The following USP22 variants were observed in gnomAD, a reference collection of about 807,000 sequenced individuals.
The protein encoded by USP22 is ubiquitin specific peptidase 22.
In USP22, 22 loss-of-function variants were observed where a neutral mutation model predicts 68.1. The observed-to-expected ratio is 0.32, with a 90% CI of 0.23 to 0.46. The LOEUF is 0.46. USP22 is among the 20% of genes least tolerant of loss of function. The pLI, the probability that USP22 is intolerant of heterozygous loss-of-function variation, is 1.00. For missense variants in USP22, 433 were observed against 695.8 expected (o/e 0.62, Z 4.25); for synonymous variants, 279 against 274.2 (o/e 1.02, Z -0.17).
rs111787609 is a variant in USP22, at chr17:21,042,940, C to G, written c.-105G>C. 1.3e-6 allele frequency: 1 copy of G among 749,842 alleles called. No individual in the cohort carries two copies. The allele number at this position is 749,842 out of a possible 1,614,324, so 46.4% of individuals were successfully genotyped here. A position where few individuals can be genotyped will look rare whatever the true frequency, so the allele number is the denominator to read the frequency against. On this transcript the variant is annotated 5_prime_UTR_variant, in exon 1 of 13. Coordinates refer to ENST00000261497, the MANE Select transcript of USP22 (RefSeq NM_015276.2). ...GGCGGCTGGCCAGGCTGGCCAAGGCCCGGGCGCCGAGAACAAAGCGCGGAG... is the reference window on the plus strand; with the variant it reads ...GGCGGCTGGCCAGGCTGGCCAAGGCGCGGGCGCCGAGAACAAAGCGCGGAG...
intron 10 of USP22, chr17:21,006,596 CTGGGTTCAAG>C (rs1285049181): frequency 6.2e-6 from 1 of 162,234 alleles, no homozygotes; most frequent in Non-Finnish European, 1.3e-5. Flanking sequence ...CCTCCACCTC[CTGGGTTCAAG>C]CGATTCTCCT....
chr17:21,027,844 C>T (rs1467440845), intron 2 of USP22, among the ~76,000 whole-genome samples: 2 of 152,190 alleles, frequency 1.3e-5, no homozygotes, highest in African/African-American at 2.4e-5. Context: ...GTAGCAGGCA[C>T]CTGTAATCTG....
chr17:21,042,456 G>A (rs1461902855), intron 1 of USP22, among the ~76,000 whole-genome samples: 1 of 140,418 alleles, frequency 7.1e-6, no homozygotes, highest in Non-Finnish European at 1.5e-5. Flanking sequence ...ATAGGAAGAT[G>A]AGGAGATAAG....
chr17:21,011,275 T>C lies in USP22; in HGVS notation c.979A>G (p.Ile327Val). The change falls in exon 8 of 13, where the codon ATC (isoleucine) becomes GTC (valine). Residue 327 changes from isoleucine to valine, a missense_variant. Ile to Val is a conservative substitution (Grantham distance 29). Transcript: ENST00000261497. ...VSTTIDPFWD[I>V]SLDLPGSSTP... is the part of the protein sequence containing the mutation. ...GAAGAGCCGGGGAGATCCAAGCTGA[T>C]GTCCCAGAAGGGGTCGATGGTGGTG... 1.9e-6 allele frequency: 3 copies of C among 1,578,566 alleles called. No homozygotes were observed. Among genetic ancestry groups the C allele is most frequent in the Non-Finnish European group, 1.7e-6 (2 of 1,161,570 alleles).
At position 21,032,922 on chromosome 17, in the gene USP22, C is replaced by CAAAAAAAAAAAA. The variant is rs753804890; in HGVS notation, c.172-4260_172-4249dup. On this transcript the variant is annotated intron_variant, in intron 1 of 12. Transcript: ENST00000261497. Reference sequence around the variant, plus strand: ...TGAGCAACAGAACCAGACCCTGTCTCAAAAAAAAAAAAAAAAAAAAAAAAA... The same window carrying CAAAAAAAAAAAA: ...TGAGCAACAGAACCAGACCCTGTCTCAAAAAAAAAAAAAAAAAAAAAAAAAAAAAAAAAAAAA... Among the ~76,000 whole-genome samples, 115 of 91,556 alleles carry CAAAAAAAAAAAA rather than the reference C, an allele frequency of 1.3e-3. 6 individuals are homozygous for CAAAAAAAAAAAA. Among genetic ancestry groups the CAAAAAAAAAAAA allele is most frequent in the African/African-American group, 5.6e-3 (97 of 17,354 alleles). 60.1% of individuals were successfully genotyped at this position (91,556 alleles called of 152,430 possible). A position where few individuals can be genotyped will look rare whatever the true frequency, so the allele number is the denominator to read the frequency against.
At chr17:21,040,679 A>G (rs1972416512) in intron 1 of USP22, among the ~76,000 whole-genome samples, 1 of 152,112 alleles carries the variant, frequency 6.6e-6, no homozygotes, top group Non-Finnish European at 1.5e-5. Context: ...GACTCCTTCT[A>G]TTTGGTTAAA....
At chr17:21,011,973 C>CGGTTT (rs1913985697) in intron 7 of USP22, among the ~76,000 whole-genome samples, 1 of 152,148 alleles carries the variant, frequency 6.6e-6, no homozygotes, top group Non-Finnish European at 1.5e-5. Context: ...AGGCCCCAAA[C>CGGTTT]GGTCTATGCT....
At chr17:21,016,017 A>T in intron 5 of USP22, 118 bp from the exon 6 acceptor site, 2 of 1,330,938 alleles carry the variant, frequency 1.5e-6, no homozygotes, top group Non-Finnish European at 2.0e-6. Context: ...ATTTGACACA[A>T]ATGTTTGGAT....
At chr17:21,007,818 T>C (rs1357457799) in intron 9 of USP22, 52 bp downstream of exon 9, 2 of 1,612,276 alleles carry the variant, frequency 1.2e-6, no homozygotes, top group African/African-American at 2.7e-5. Flanking sequence ...AGGACCGTAC[T>C]GTGGACTAAA....
intron 10 of USP22, among the ~76,000 whole-genome samples, chr17:21,005,359 C>T (rs1424661350): frequency 6.6e-6 from 1 of 152,218 alleles, no homozygotes; most frequent in Non-Finnish European, 1.5e-5. Flanking sequence ...AAAGGGTACG[C>T]TGAATCCATT....
At position 21,015,918 on chromosome 17, in the gene USP22, G is replaced by A. The variant is rs754381803; in HGVS notation, c.691-19C>T. The A allele has an allele frequency of 2.3e-5, 37 of 1,612,148 alleles. No homozygotes were observed. The highest frequency in any genetic ancestry group is 2.0e-5 in the Non-Finnish European group (24 of 1,179,280). ...AGTAAAACTGCCAGAGGGCGGGGAA[G>A]GAAACCTTGTCAGGAATAAATGTAG... On this transcript the variant is annotated intron_variant, in intron 5 of 12. Coordinates refer to ENST00000261497, the MANE Select transcript of USP22 (RefSeq NM_015276.2).
chr17:21,042,353 G>GAGAAAGGAGGGGGAGGGGAC, intron 1 of USP22: 1 of 170,536 alleles, frequency 5.9e-6, no homozygotes, highest in Non-Finnish European at 1.1e-5. Flanking sequence ...GGAGGGCGGA[G>GAGAAAGGAGGGGGAGGGGAC]AGAAAGGAGG....
At chr17:21,042,591 G>C (rs1372165625) in intron 1 of USP22, 74 bp downstream of exon 1, 8 of 1,249,576 alleles carry the variant, frequency 6.4e-6, no homozygotes, top group Non-Finnish European at 8.1e-6. Flanking sequence ...GGCAGGAAAA[G>C]GGCCCCTCCG....
chr17:21,007,688 C>A (rs1351000684), intron 9 of USP22, among the ~76,000 whole-genome samples, 182 bp downstream of exon 9: 1 of 152,222 alleles, frequency 6.6e-6, no homozygotes, highest in African/African-American at 2.4e-5. Context: ...TTTACCGCAG[C>A]ACAGACAAAA....
chr17:21,013,928 G>T (rs1360941263), intron 6 of USP22, among the ~76,000 whole-genome samples: 3 of 152,194 alleles, frequency 2.0e-5, no homozygotes, highest in Non-Finnish European at 4.4e-5. Flanking sequence ...CAAAAAATTA[G>T]CTGGGCATGG....
intron 2 of USP22, among the ~76,000 whole-genome samples, chr17:21,026,644 A>T (rs1972223478): frequency 6.8e-6 from 1 of 146,868 alleles, no homozygotes; most frequent in Non-Finnish European, 1.5e-5. Flanking sequence ...TTCTTTAAAA[A>T]AAAAAATTAG....
intron 2 of USP22, among the ~76,000 whole-genome samples, chr17:21,027,561 G>A (rs1480179335): frequency 6.6e-6 from 1 of 152,102 alleles, no homozygotes; most frequent in Non-Finnish European, 1.5e-5. Context: ...CCTAAAACAG[G>A]TATCTAGCTT....
At chr17:21,029,271 C>T (rs373126678) in intron 1 of USP22, among the ~76,000 whole-genome samples, 189 of 152,270 alleles carry the variant, frequency 1.2e-3, no homozygotes, top group African/African-American at 4.3e-3. Context: ...ACAATACTAA[C>T]GGGACGTGTG....
At position 21,002,419 on chromosome 17, in the gene USP22, T is replaced by G. The variant is rs1293145277; in HGVS notation, c.*612A>C. 6.6e-6 allele frequency: 1 copy of G among 152,334 alleles called. No individual in the cohort carries two copies. The highest frequency in any genetic ancestry group is 1.5e-5 in the Non-Finnish European group (1 of 68,156). 9.4% of individuals were successfully genotyped at this position (152,334 alleles called of 1,614,324 possible). Reference sequence around the variant, plus strand: ...CTGTTTCTAGAAAACCGCGAGATGCTTCCACGTGCAGCTTGATGCTGTTAC... The same window carrying G: ...CTGTTTCTAGAAAACCGCGAGATGCGTCCACGTGCAGCTTGATGCTGTTAC... On this transcript the variant is annotated 3_prime_UTR_variant, in exon 13 of 13. Coordinates refer to ENST00000261497, the MANE Select transcript of USP22 (RefSeq NM_015276.2).
Sources: allele counts gnomAD v4.1 joint callset (sites outside exome capture counted in the v4.1 genomes callset), GRCh38; gene constraint gnomAD v4.1.1; transcripts MANE v1.5; gene names NCBI Gene and HGNC (gene_info 2026-07-23, HGNC 2026-07-21).